Variants in CRYBG1 observed in about 807,000 individuals in gnomAD.
The protein encoded by CRYBG1 is beta/gamma crystallin domain-containing protein 1.
CRYBG1 carries 139 observed loss-of-function variants against 189.2 expected under a neutral mutation model. The observed-to-expected ratio is 0.73, with a 90% CI of 0.64 to 0.85. The LOEUF (loss-of-function observed/expected upper bound fraction) is 0.85. Among genes scored for constraint, CRYBG1 ranks in the 40% least tolerant of loss-of-function variants. The pLI is 0.00. For synonymous variants in CRYBG1, 1,023 were observed against 1,017.1 expected, an observed-to-expected ratio of 1.01 and a Z score of -0.11; for missense variants, 2,611 against 2,675.8, an observed-to-expected ratio of 0.98 and a Z score of 0.53.
At position 106,432,940 on chromosome 6, in the gene CRYBG1, G is replaced by A. The variant is rs551882925; in HGVS notation, c.174-18754G>A. Among the ~76,000 whole-genome samples the A allele has an allele frequency of 9.5e-5, 14 of 147,658 alleles. No homozygotes were observed. In the South Asian group the frequency reaches 3.0e-3, roughly 31 times the overall value. On this transcript the variant is annotated intron_variant, in intron 1 of 21. Coordinates refer to ENST00000633556, the MANE Select transcript of CRYBG1 (RefSeq NM_001371242.2). ...CTGCAACCTCTGTCTCCTGGGTTCA[G>A]GCGATTCTCCTGCCTTAGACTCCTG...
chr6:106,402,974 C>T (rs564740040), intron 1 of CRYBG1, among the ~76,000 whole-genome samples: 2 of 152,216 alleles, frequency 1.3e-5, no homozygotes, highest in South Asian at 2.1e-4. Context: ...TTCTCAGGAC[C>T]GTCTCATGTA....
intron 8 of CRYBG1, among the ~76,000 whole-genome samples, chr6:106,533,313 G>A (rs6929649): frequency 0.68 from 104,085 of 152,170 alleles, 36,349 homozygotes; most frequent in South Asian, 0.84. Flanking sequence ...AGGCCAAGGC[G>A]GCTGAAGCTG....
At chr6:106,427,709 G>A (rs1229060091) in intron 1 of CRYBG1, among the ~76,000 whole-genome samples, 2 of 151,852 alleles carry the variant, frequency 1.3e-5, no homozygotes, top group East Asian at 1.9e-4. Flanking sequence ...TTCCTCAGAG[G>A]GATTCTTGAA....
chr6:106,427,184 T>C (rs1771242902), intron 1 of CRYBG1, among the ~76,000 whole-genome samples: 1 of 152,218 alleles, frequency 6.6e-6, no homozygotes, highest in Non-Finnish European at 1.5e-5. Flanking sequence ...AGATCATCTG[T>C]ATGATTCTGA....
intron 3 of CRYBG1, among the ~76,000 whole-genome samples, chr6:106,513,512 G>A (rs959811150): frequency 6.6e-6 from 1 of 152,186 alleles, no homozygotes; most frequent in Non-Finnish European, 1.5e-5. Context: ...ACCTTTTATG[G>A]CACTCAGTGC....
rs1773591830 is a variant in CRYBG1, at chr6:106,520,974, T to TTTTC, written c.3768_3771dup (p.Pro1258PhefsTer33). ...ATCTTCTTTACCACAAGACAAAATC[T>TTTTC]TTTCTCCTTCTGTGACATCAGTCAA... On this transcript the variant is annotated frameshift_variant, in exon 4 of 22. Coordinates refer to ENST00000633556, the MANE Select transcript of CRYBG1 (RefSeq NM_001371242.2). LOFTEE classifies it high-confidence loss of function. 1 of 1,614,052 alleles carries TTTTC rather than the reference T, an allele frequency of 6.2e-7. No homozygotes were observed. Among genetic ancestry groups the TTTTC allele is most frequent in the African/African-American group, 1.3e-5 (1 of 74,900 alleles).
Position 106,519,791 on chromosome 6 carries a change from C to G in CRYBG1, c.2583C>G (p.Asp861Glu), listed in dbSNP as rs769746036. 3 of 1,614,206 alleles carry G rather than the reference C, an allele frequency of 1.9e-6. No individual in the cohort carries two copies. In the East Asian group the frequency reaches 6.7e-5, roughly 36 times the overall value. ...CAAAGCCACAGCATACATTTTCTGA[C>G]TCACAGTCCCCTGCTGAGTCATCTC... ...AMPKPQHTFS[D>E]SQSPAESSPG... The change falls in exon 4 of 22, where the codon GAC becomes GAG. Residue 861 changes from aspartate to glutamate, a missense_variant. Transcript: ENST00000633556.
Position 106,520,502 on chromosome 6 carries a change from A to T in CRYBG1, c.3294A>T (p.Val1098=). Residue 1098 remains valine, a synonymous_variant, in exon 4 of 22, where the codon GTA becomes GTT. Coordinates refer to ENST00000633556, the MANE Select transcript of CRYBG1 (RefSeq NM_001371242.2). ...LNISAGSDDS[V]FDSSSDMEKF... ...TTTCTGCTGGTAGTGATGATAGTGTATTTGATTCTTCTTCTGATATGGAAA... is the reference window on the plus strand; with the variant it reads ...TTTCTGCTGGTAGTGATGATAGTGTTTTTGATTCTTCTTCTGATATGGAAA... 6.2e-7 allele frequency: 1 copy of T among 1,614,188 alleles called. No homozygotes were observed. Among genetic ancestry groups the T allele is most frequent in the Non-Finnish European group, 8.5e-7 (1 of 1,180,024 alleles).
intron 8 of CRYBG1, among the ~76,000 whole-genome samples, chr6:106,535,622 A>C (rs989584548): frequency 6.6e-6 from 1 of 152,214 alleles, no homozygotes; most frequent in African/African-American, 2.4e-5. Context: ...TGCTTCAGGA[A>C]TGTCTCTTAT....
intron 2 of CRYBG1, among the ~76,000 whole-genome samples, chr6:106,474,276 C>T (rs895959497): frequency 3.3e-5 from 5 of 152,104 alleles, no homozygotes; most frequent in Admixed American, 6.5e-5. Flanking sequence ...GCCAAGAGTT[C>T]GAGGCTACAG....
chr6:106,521,559 G>A, intron 4 of CRYBG1, 106 bp downstream of exon 4: 6 of 1,270,788 alleles, frequency 4.7e-6, no homozygotes, highest in Non-Finnish European at 6.4e-6. Flanking sequence ...AAGCTTATGT[G>A]CTATAGTTTT....
chr6:106,416,269 C>G (rs1440489414), intron 1 of CRYBG1, among the ~76,000 whole-genome samples: 1 of 152,218 alleles, frequency 6.6e-6, no homozygotes, highest in African/African-American at 2.4e-5. Flanking sequence ...GATGAACATG[C>G]ATGGGGAGGA....
At chr6:106,518,978 C>A (rs1268055686) in intron 3 of CRYBG1, among the ~76,000 whole-genome samples, 153 bp from the exon 4 acceptor site, 1 of 132,238 alleles carries the variant, frequency 7.6e-6, no homozygotes, top group African/African-American at 2.7e-5. Context: ...TGTGTGCGCA[C>A]ACACACACAC....
intron 2 of CRYBG1, among the ~76,000 whole-genome samples, chr6:106,486,455 T>C (rs1366535689): frequency 6.6e-6 from 1 of 152,142 alleles, no homozygotes; most frequent in Non-Finnish European, 1.5e-5. Context: ...TAAGTGTCTG[T>C]TAGGTCAATT....
At chr6:106,471,973 G>A (rs922281550) in intron 2 of CRYBG1, among the ~76,000 whole-genome samples, 9 of 152,152 alleles carry the variant, frequency 5.9e-5, no homozygotes, top group African/African-American at 2.2e-4. Context: ...GAGCTGACCA[G>A]TAAAAACTTC....
chr6:106,417,462 C>T (rs1771046239), intron 1 of CRYBG1, among the ~76,000 whole-genome samples: 1 of 152,196 alleles, frequency 6.6e-6, no homozygotes, highest in Admixed American at 6.5e-5. Flanking sequence ...AAGAACGAAA[C>T]GTGGAAGGTA....
intron 13 of CRYBG1, among the ~76,000 whole-genome samples, chr6:106,550,647 GA>G (rs1275715126): frequency 6.6e-6 from 1 of 152,028 alleles, no homozygotes; most frequent in Non-Finnish European, 1.5e-5. Flanking sequence ...AACACTGTTG[GA>G]AACAATATTT....
rs1033371258 is a variant in CRYBG1, at chr6:106,513,518, A to G, written c.1922+479A>G. On this transcript the variant is annotated intron_variant, in intron 3 of 21. Transcript: ENST00000633556. ...ATTTGCAGAACCTTTTATGGCACTC[A>G]GTGCATTTATTGGCAAAAAGCTTAA... Among the ~76,000 whole-genome samples the G allele has an allele frequency of 8.5e-5, 13 of 152,364 alleles. No homozygotes were observed. In the East Asian group the frequency reaches 2.5e-3, roughly 29 times the overall value.
chr6:106,551,351 T>C (rs528651061), intron 13 of CRYBG1, among the ~76,000 whole-genome samples: 4 of 152,348 alleles, frequency 2.6e-5, no homozygotes, highest in Admixed American at 2.6e-4. Context: ...ATTTCATTCT[T>C]TTTTATGGCT....
Sources: gnomAD v4.1 joint callset for allele counts (sites outside exome capture counted in the v4.1 genomes callset) on GRCh38, gnomAD v4.1.1 for gene constraint, MANE v1.5 for transcripts, NCBI Gene and HGNC (gene_info 2026-07-23, HGNC 2026-07-21) for gene names.